Variants in METTL15 observed in about 807,000 individuals in gnomAD.
METTL15 encodes 12S rRNA N(4)-cytidine methyltransferase METTL15.
A neutral mutation model predicts 38.3 loss-of-function variants in METTL15; 34 were observed. The ratio of observed to expected loss-of-function variants is 0.89; its 90% confidence interval spans 0.68 to 1.18. The LOEUF (loss-of-function observed/expected upper bound fraction) is 1.18. METTL15 is among the 50% of genes most tolerant of loss of function. The pLI is 0.00. For synonymous variants in METTL15, 162 were observed against 170.9 expected, an observed-to-expected ratio of 0.95 and a Z score of 0.41; for missense variants, 438 against 498.4, an observed-to-expected ratio of 0.88 and a Z score of 1.15.
chr11:28,116,306 AT>A (rs1199044130), intron 3 of METTL15, among the ~76,000 whole-genome samples: 3 of 152,340 alleles, frequency 2.0e-5, no homozygotes, highest in African/African-American at 7.2e-5. Flanking sequence ...AGAAAAAAGT[AT>A]TGTAGATTGT....
chr11:28,410,402 C>G (rs1373547867), intron 5 of METTL15, among the ~76,000 whole-genome samples: 1 of 152,074 alleles, frequency 6.6e-6, no homozygotes, highest in Non-Finnish European at 1.5e-5. Flanking sequence ...AATTCAACAA[C>G]ACATCAAAGA....
intron 6 of METTL15, among the ~76,000 whole-genome samples, chr11:28,515,288 C>T (rs1851710240): frequency 6.6e-6 from 1 of 152,146 alleles, no homozygotes; most frequent in Non-Finnish European, 1.5e-5. Flanking sequence ...ACTTATAAAC[C>T]TTGTACTAGT....
At chr11:28,256,143 A>G (rs1051260163) in intron 4 of METTL15, among the ~76,000 whole-genome samples, 1 of 152,172 alleles carries the variant, frequency 6.6e-6, no homozygotes, top group Non-Finnish European at 1.5e-5. Flanking sequence ...TTTATTGGAC[A>G]TACTGGCCTG....
At chr11:28,365,152 G>A (rs10835316) in intron 5 of METTL15, among the ~76,000 whole-genome samples, 64,260 of 151,894 alleles carry the variant, frequency 0.42, 14,992 homozygotes, top group Admixed American at 0.54. Flanking sequence ...TTTTCATTGT[G>A]TCTCTGCCAT....
chr11:28,272,741 T>C (rs1425007687), intron 4 of METTL15, among the ~76,000 whole-genome samples: 2 of 152,092 alleles, frequency 1.3e-5, no homozygotes, highest in South Asian at 2.1e-4. Flanking sequence ...AGAATTACTA[T>C]ATCAAGCAGT....
chr11:28,160,750 A>G (rs989237701), intron 3 of METTL15, among the ~76,000 whole-genome samples: 4 of 152,120 alleles, frequency 2.6e-5, no homozygotes, highest in African/African-American at 9.7e-5. Flanking sequence ...AACAATTACC[A>G]TTGCTCCATT....
intron 4 of METTL15, among the ~76,000 whole-genome samples, chr11:28,229,665 C>T (rs1853613011): frequency 6.6e-6 from 1 of 151,994 alleles, no homozygotes; most frequent in Non-Finnish European, 1.5e-5. Flanking sequence ...CTTCACCAGA[C>T]ACTGAATCTG....
intron 6 of METTL15, among the ~76,000 whole-genome samples, chr11:28,436,149 T>TG (rs1173212256): frequency 1.3e-5 from 2 of 152,216 alleles, no homozygotes; most frequent in Non-Finnish European, 2.9e-5. Context: ...TTATAACAGG[T>TG]GACAGTCTTA....
chr11:28,120,936 C>T (rs1182073190), intron 3 of METTL15, among the ~76,000 whole-genome samples: 1 of 152,046 alleles, frequency 6.6e-6, no homozygotes, highest in Admixed American at 6.6e-5. Context: ...GGCACATGAG[C>T]TGTCTCAACA....
At chr11:28,158,696 C>T (rs902242260) in intron 3 of METTL15, among the ~76,000 whole-genome samples, 11 of 152,216 alleles carry the variant, frequency 7.2e-5, no homozygotes, top group Non-Finnish European at 7.3e-5. Context: ...GTATTCCACA[C>T]GGCATTGCTT....
chr11:28,454,959 G>A (rs1166083700), intron 6 of METTL15, among the ~76,000 whole-genome samples: 1 of 152,118 alleles, frequency 6.6e-6, no homozygotes, highest in Non-Finnish European at 1.5e-5. Context: ...CTCTCAGGTG[G>A]TGTCATTAGA....
chr11:28,205,971 A>AT (rs1172114629), intron 3 of METTL15, among the ~76,000 whole-genome samples: 5 of 143,390 alleles, frequency 3.5e-5, no homozygotes, highest in African/African-American at 1.4e-4. Context: ...TTTTTCTTGT[A>AT]AATTTGTTTG....
At chr11:28,338,397 T>C (rs553593579), downstream of METTL15, among the ~76,000 whole-genome samples, 2 of 152,170 alleles carry the variant, frequency 1.3e-5, no homozygotes, top group East Asian at 1.9e-4. Context: ...AACACCCTAA[T>C]CACCATCTTT....
chr11:28,251,141 G>C (rs1854725440), intron 4 of METTL15, among the ~76,000 whole-genome samples: 1 of 151,912 alleles, frequency 6.6e-6, no homozygotes, highest in African/African-American at 2.4e-5. Context: ...CTATTAACTA[G>C]AGGAATATTT....
At chr11:28,232,030 T>C (rs975053812) in intron 4 of METTL15, among the ~76,000 whole-genome samples, 6 of 151,874 alleles carry the variant, frequency 4.0e-5, no homozygotes, top group African/African-American at 1.4e-4. Context: ...AAATAGAAAT[T>C]AGATATAATG....
intron 3 of METTL15, among the ~76,000 whole-genome samples, chr11:28,135,930 C>T (rs1849499887): frequency 6.6e-6 from 1 of 152,178 alleles, no homozygotes; most frequent in Admixed American, 6.5e-5. Context: ...TCTGTTAACT[C>T]TTGTTCTACT....
Position 28,474,037 on chromosome 11 carries a change from C to G in METTL15, c.*424+49673C>G, listed in dbSNP as rs184951414. Reference sequence around the variant, plus strand: ...TGTCAGTTGTTTCCCTATCTATTCTCCCAGTAGCAGTGAGCACCAAGGCAG... The same window carrying G: ...TGTCAGTTGTTTCCCTATCTATTCTGCCAGTAGCAGTGAGCACCAAGGCAG... On this transcript the variant is annotated intron_variant and NMD_transcript_variant, in intron 6 of 7. Transcript: ENST00000532947. 2.0e-4 allele frequency among the ~76,000 whole-genome samples: 30 copies of G among 152,074 alleles called. No homozygotes were observed. In the East Asian group the frequency reaches 5.4e-3, roughly 27 times the overall value.
At chr11:28,367,849 G>C (rs1032893255) in intron 5 of METTL15, among the ~76,000 whole-genome samples, 1 of 152,110 alleles carries the variant, frequency 6.6e-6, no homozygotes, top group Non-Finnish European at 1.5e-5. Context: ...ATGGGGAAAA[G>C]ATTCACTATT....
At chr11:28,393,826 T>C (rs1189289402) in intron 5 of METTL15, among the ~76,000 whole-genome samples, 2 of 152,186 alleles carry the variant, frequency 1.3e-5, no homozygotes, top group South Asian at 2.1e-4. Flanking sequence ...ATGAAGACCA[T>C]TGGAAGTCAT....
Sources: allele counts gnomAD v4.1 joint callset (sites outside exome capture counted in the v4.1 genomes callset), GRCh38; gene constraint gnomAD v4.1.1; transcripts MANE v1.5; gene names NCBI Gene and HGNC (gene_info 2026-07-23, HGNC 2026-07-21).